LRRTM4: variants seen among roughly 807,000 people sequenced by gnomAD.
The protein encoded by LRRTM4 is leucine-rich repeat transmembrane neuronal protein 4.
LRRTM4 carries 25 observed loss-of-function variants against 47.6 expected under a neutral mutation model. The ratio of observed to expected loss-of-function variants is 0.53; its 90% CI spans 0.38 to 0.73. LRRTM4 has a LOEUF of 0.73. Ranked by LOEUF, LRRTM4 falls within the 30% of genes least tolerant of loss-of-function variation. The pLI is 0.00. For missense variants in LRRTM4, 638 were observed against 713.4 expected (o/e 0.89, Z 1.20); for synonymous variants, 311 against 269.5 (o/e 1.15, Z -1.51).
intron 3 of LRRTM4, among the ~76,000 whole-genome samples, chr2:77,273,825 TATTG>T (rs1676268692): frequency 1.3e-5 from 2 of 152,294 alleles, no homozygotes; most frequent in African/African-American, 2.4e-5. Context: ...ATTTATCATG[TATTG>T]ATTGACTTTA....
chr2:77,176,872 AT>A (rs1673210959), intron 3 of LRRTM4, among the ~76,000 whole-genome samples: 2 of 152,292 alleles, frequency 1.3e-5, no homozygotes, highest in African/African-American at 4.8e-5. Flanking sequence ...CAAAACAAAG[AT>A]GGCCACAAAA....
chr2:77,330,267 C>A (rs1367756828), intron 3 of LRRTM4, among the ~76,000 whole-genome samples: 1 of 152,040 alleles, frequency 6.6e-6, no homozygotes, highest in South Asian at 2.1e-4. Flanking sequence ...TGTTTTTTTA[C>A]TCTTAATTGT....
chr2:76,946,367 T>G (rs1044326592), intron 3 of LRRTM4, among the ~76,000 whole-genome samples: 44 of 151,960 alleles, frequency 2.9e-4, no homozygotes, highest in Admixed American at 1.4e-3. Context: ...ACATCCCCAT[T>G]TGCACGATTT....
chr2:77,000,020 T>C (rs1157444029), intron 3 of LRRTM4, among the ~76,000 whole-genome samples: 1 of 150,336 alleles, frequency 6.7e-6, no homozygotes, highest in African/African-American at 2.5e-5. Flanking sequence ...AATAGACTGT[T>C]CTTCTTTAGA....
chr2:76,895,125 T>C (rs1019562505), intron 3 of LRRTM4, among the ~76,000 whole-genome samples: 10 of 152,008 alleles, frequency 6.6e-5, no homozygotes, highest in Admixed American at 6.6e-4. Context: ...TATTCTTCCA[T>C]TAAAAATTTT....
At chr2:76,964,716 GAAGAA>G (rs1374926631) in intron 3 of LRRTM4, among the ~76,000 whole-genome samples, 17 of 149,882 alleles carry the variant, frequency 1.1e-4, no homozygotes, top group African/African-American at 3.9e-4. Context: ...AAATCAAGCA[GAAGAA>G]CAGAAACAAT....
At chr2:76,866,585 C>T (rs207461874) in intron 3 of LRRTM4, among the ~76,000 whole-genome samples, 2 of 151,662 alleles carry the variant, frequency 1.3e-5, no homozygotes, top group Non-Finnish European at 2.9e-5. Context: ...TTCAAACAAT[C>T]TTTGATTGAT....
At chr2:77,119,059 G>A (rs186664614) in intron 3 of LRRTM4, among the ~76,000 whole-genome samples, 25 of 151,832 alleles carry the variant, frequency 1.6e-4, no homozygotes, top group African/African-American at 4.8e-4. Context: ...TTTAATTTGT[G>A]TATATCCAGC....
rs570495788 is a variant in LRRTM4, at chr2:76,986,432, T to G, written c.1552-237516A>C. 5.3e-5 allele frequency among the ~76,000 whole-genome samples: 8 copies of G among 152,056 alleles called. 1 individual carries two copies. In the South Asian group the frequency reaches 1.7e-3, roughly 31 times the overall value. On this transcript the variant is annotated intron_variant, in intron 3 of 3. Coordinates refer to ENST00000409884, the MANE Select transcript of LRRTM4 (RefSeq NM_001134745.3). ...GAAGCCCTCCCTGCATAGGTCAGAT[T>G]TTTCCATTTCTAAGTTACTTAGGTC...
chr2:76,878,292 C>G (rs1672833081), intron 3 of LRRTM4, among the ~76,000 whole-genome samples: 1 of 152,058 alleles, frequency 6.6e-6, no homozygotes, highest in Non-Finnish European at 1.5e-5. Context: ...CTATTTCTCT[C>G]TCTCTCCTTG....
At chr2:76,951,951 G>A (rs1050764895) in intron 3 of LRRTM4, among the ~76,000 whole-genome samples, 1 of 151,916 alleles carries the variant, frequency 6.6e-6, no homozygotes, top group Non-Finnish European at 1.5e-5. Flanking sequence ...TCCTTGCAAA[G>A]GACATGAGAT....
chr2:77,332,122 AAT>A (rs1218535475), intron 3 of LRRTM4, among the ~76,000 whole-genome samples: 1 of 152,148 alleles, frequency 6.6e-6, no homozygotes. Flanking sequence ...AAACTGTCCA[AAT>A]TTCTGGATTG....
intron 3 of LRRTM4, among the ~76,000 whole-genome samples, chr2:77,435,546 T>C (rs1675555856): frequency 6.6e-6 from 1 of 152,096 alleles, no homozygotes; most frequent in East Asian, 1.9e-4. Context: ...CAACATTTGT[T>C]TAAAGGTCAT....
chr2:77,152,475 T>C (rs1473987512), intron 3 of LRRTM4, among the ~76,000 whole-genome samples: 1 of 152,040 alleles, frequency 6.6e-6, no homozygotes, highest in Non-Finnish European at 1.5e-5. Flanking sequence ...ACTACAGGTG[T>C]GTGCCACCAC....
chr2:77,196,687 G>C (rs1014785796), intron 3 of LRRTM4, among the ~76,000 whole-genome samples: 5 of 152,158 alleles, frequency 3.3e-5, no homozygotes, highest in Non-Finnish European at 5.9e-5. Flanking sequence ...GTTGAAGTGA[G>C]CTGAGAACGT....
At chr2:77,485,257 C>T (rs556253973) in intron 3 of LRRTM4, among the ~76,000 whole-genome samples, 14 of 151,660 alleles carry the variant, frequency 9.2e-5, no homozygotes, top group African/African-American at 1.2e-4. Context: ...TCATATAATC[C>T]GAGGAGAGAG....
chr2:76,974,728 G>A (rs1339762098), intron 3 of LRRTM4, among the ~76,000 whole-genome samples: 1 of 151,582 alleles, frequency 6.6e-6, no homozygotes, highest in Non-Finnish European at 1.5e-5. Context: ...TAAATATTCT[G>A]ACATACTATT....
At chr2:76,753,222 T>C (rs1363053864) in intron 3 of LRRTM4, among the ~76,000 whole-genome samples, 2 of 152,046 alleles carry the variant, frequency 1.3e-5, no homozygotes, top group East Asian at 3.9e-4. Context: ...CCTCTGAAAA[T>C]AGGGATAATA....
intron 3 of LRRTM4, among the ~76,000 whole-genome samples, chr2:77,198,880 C>A (rs1558630049): frequency 1.3e-5 from 2 of 152,140 alleles, no homozygotes; most frequent in African/African-American, 4.8e-5. Flanking sequence ...ATGTTGCCTG[C>A]ATATATTATT....
Sources: gnomAD v4.1 joint callset for allele counts (sites outside exome capture counted in the v4.1 genomes callset) on GRCh38, gnomAD v4.1.1 for gene constraint, MANE v1.5 for transcripts, NCBI Gene and HGNC (gene_info 2026-07-23, HGNC 2026-07-21) for gene names.